Variants in ATP2B3 observed in about 807,000 individuals in gnomAD.
ATP2B3 encodes the protein ATPase plasma membrane Ca2+ transporting 3.
Under a neutral mutation model 70.8 loss-of-function variants are expected in ATP2B3, and 12 were observed. The ratio of observed to expected loss-of-function variants is 0.17; its 90% CI spans 0.11 to 0.27. The LOEUF (loss-of-function observed/expected upper bound fraction) is 0.27. Among genes scored for constraint, ATP2B3 ranks in the 10% least tolerant of loss-of-function variants. The pLI, the probability that ATP2B3 is intolerant of heterozygous loss-of-function variation, is 1.00. For synonymous variants in ATP2B3, 460 were observed against 497.8 expected (o/e 0.92, Z 1.01); for missense variants, 858 against 1,118.5 (o/e 0.77, Z 3.32).
intron 16 of ATP2B3, 109 bp from the exon 17 acceptor site, chrX:153,558,003 T>C (rs1432054514): frequency 2.6e-6 from 2 of 777,594 alleles, no homozygotes; most frequent in Non-Finnish European, 3.6e-6. Flanking sequence ...TGGGATGTTA[T>C]TCAGAAGGGG....
chrX:153,539,736 T>C (rs1167109076), intron 3 of ATP2B3, among the ~76,000 whole-genome samples: 2 of 112,947 alleles, frequency 1.8e-5, no homozygotes, highest in African/African-American at 3.2e-5. Context: ...GGAGGGCTCC[T>C]CGGGATCAGC....
In ATP2B3 at chrX:153,556,006, G is replaced by A. The variant is rs782373108; in HGVS notation, c.2059-43G>A. The A allele has an allele frequency of 4.1e-5, 49 of 1,206,950 alleles. No individual in the cohort carries two copies. The East Asian group carries it at 1.2e-3, about 29-fold the overall frequency. On this transcript the variant is annotated intron_variant, in intron 13 of 21. Transcript: ENST00000263519. ...GGGGTACTGCCTCAACCCAAAATAC[G>A]TCTTGCCTCGATGGCCCCGCCCACC...
At chrX:153,566,389 GA>G (rs1261313018) in intron 21 of ATP2B3, among the ~76,000 whole-genome samples, 2 of 112,836 alleles carry the variant, frequency 1.8e-5, no homozygotes, top group Admixed American at 1.9e-4. Context: ...GGCGGGGCCT[GA>G]GGCCACACCC....
At chrX:153,543,473 G>A (rs895957295) in intron 7 of ATP2B3, among the ~76,000 whole-genome samples, 2 of 112,917 alleles carry the variant, frequency 1.8e-5, no homozygotes, top group African/African-American at 3.2e-5. Flanking sequence ...CAGGAGCTAC[G>A]GGGAGCCTCA....
In ATP2B3 at chrX:153,528,084, C is replaced by T. The variant is rs1311894471; in HGVS notation, c.-126-8038C>T. 1.8e-5 allele frequency among the ~76,000 whole-genome samples: 2 copies of T among 113,173 alleles called. 1 individual carries two copies. Among genetic ancestry groups the T allele is most frequent in the Non-Finnish European group, 3.7e-5 (2 of 53,397 alleles). On this transcript the variant is annotated intron_variant, in intron 2 of 21. Coordinates refer to ENST00000263519, the MANE Select transcript of ATP2B3 (RefSeq NM_001001344.3). ...CTTGAGTGACCAAAGCCAGCACCTGCACTCTGGAACCCTGAGGTTGATGGG... is the reference window on the plus strand; with the variant it reads ...CTTGAGTGACCAAAGCCAGCACCTGTACTCTGGAACCCTGAGGTTGATGGG...
intron 18 of ATP2B3, 54 bp downstream of exon 18, chrX:153,559,996 C>T (rs2090600735): frequency 4.5e-6 from 5 of 1,122,184 alleles, no homozygotes; most frequent in South Asian, 2.0e-5. Context: ...GCCACCACCT[C>T]GGGCTCAGAT....
intron 21 of ATP2B3, among the ~76,000 whole-genome samples, chrX:153,572,198 T>C (rs1346436905): frequency 8.9e-6 from 1 of 112,835 alleles, no homozygotes; most frequent in Non-Finnish European, 1.9e-5. Flanking sequence ...GGATGAGAGA[T>C]GCTCTGAAGG....
chrX:153,580,363 T>C lies in ATP2B3; in HGVS notation c.*65T>C. On this transcript the variant is annotated 3_prime_UTR_variant, in exon 22 of 22. Coordinates refer to ENST00000263519, the MANE Select transcript of ATP2B3 (RefSeq NM_001001344.3). ...ACTCACACGAAGTCACACGCACACA[T>C]GCACGCACACACACATATGGGGACC... 2 of 1,032,634 alleles carry C rather than the reference T, an allele frequency of 1.9e-6. No individual in the cohort carries two copies. The highest frequency in any genetic ancestry group is 3.7e-5 in the African/African-American group (2 of 54,001). The allele number at this position is 1,032,634 out of a possible 1,213,427, so 85.1% of individuals were successfully genotyped here.
At chrX:153,542,800 A>G (rs781783988) in intron 6 of ATP2B3, among the ~76,000 whole-genome samples, 8 of 113,284 alleles carry the variant, frequency 7.1e-5, no homozygotes, top group African/African-American at 2.2e-4. Context: ...AGGTTTCAGC[A>G]TAGTCCGGTG....
intron 21 of ATP2B3, among the ~76,000 whole-genome samples, chrX:153,575,270 G>A (rs1296909943): frequency 1.8e-5 from 2 of 112,950 alleles, no homozygotes; most frequent in Admixed American, 9.2e-5. Flanking sequence ...CCTGCTGGGT[G>A]CAGCGAGCCA....
chrX:153,553,132 G>A lies in ATP2B3; in HGVS notation c.1921G>A (p.Asp641Asn), dbSNP rs139853349. ...VRKIIEPMACDGLRTICIAYR... is the reference protein window; with the variant it reads ...VRKIIEPMACNGLRTICIAYR... ...GAAGATCATCGAGCCGATGGCTTGC[G>A]ATGGCCTCCGCACCATCTGCATCGC... is the stretch of plus-strand genomic sequence containing the variant. The change falls in exon 13 of 22, where the codon GAT (aspartate) becomes AAT (asparagine). Residue 641 changes from aspartate to asparagine, a missense_variant. Asp to Asn is a conservative substitution (Grantham distance 23, BLOSUM62 1). This residue lies in a region of ATP2B3 where 242 missense variants were observed against 281.3 expected (regional missense o/e 0.86). Transcript: ENST00000263519. 2.9e-4 allele frequency: 349 copies of A among 1,209,137 alleles called. No individual in the cohort carries two copies. Among genetic ancestry groups the A allele is most frequent in the South Asian group, 1.2e-3 (66 of 56,806 alleles).
intron 12 of ATP2B3, among the ~76,000 whole-genome samples, chrX:153,550,705 TC>T (rs782795151): frequency 1.8e-5 from 2 of 111,900 alleles, no homozygotes; most frequent in South Asian, 7.7e-4. Flanking sequence ...CAAGCCATCC[TC>T]CTACGTCAGT....
intron 21 of ATP2B3, among the ~76,000 whole-genome samples, chrX:153,578,300 G>A (rs945337839): frequency 1.8e-5 from 2 of 112,758 alleles, no homozygotes; most frequent in Non-Finnish European, 3.8e-5. Flanking sequence ...GCTCACATAG[G>A]CAGGGGTGGA....
chrX:153,571,058 G>A (rs1187447531), intron 21 of ATP2B3, among the ~76,000 whole-genome samples: 1 of 103,470 alleles, frequency 9.7e-6, no homozygotes, highest in East Asian at 3.0e-4. Context: ...CAAACCACAG[G>A]CCACGTACAC....
intron 21 of ATP2B3, among the ~76,000 whole-genome samples, chrX:153,573,627 T>A (rs1404352866): frequency 8.9e-6 from 1 of 112,253 alleles, no homozygotes; most frequent in East Asian, 2.8e-4. Context: ...GGACCCCTGG[T>A]CCAAGGCCCT....
At chrX:153,553,396 C>CAGGACGGGGCTCAA in intron 13 of ATP2B3, 127 bp downstream of exon 13, 1 of 562,165 alleles carries the variant, frequency 1.8e-6, no homozygotes, top group Non-Finnish European at 2.8e-6. Flanking sequence ...ACTTGAGCCC[C>CAGGACGGGGCTCAA]GTCCTGGGTG....
At position 153,558,308 on chromosome X, in the gene ATP2B3, G is replaced by T; in HGVS notation, c.2625+5G>T. The T allele has an allele frequency of 8.3e-7, 1 of 1,198,061 alleles. No individual in the cohort carries two copies. Among genetic ancestry groups the T allele is most frequent in the Non-Finnish European group, 1.1e-6 (1 of 887,154 alleles). On this transcript the variant is annotated splice_donor_5th_base_variant and intron_variant, in intron 17 of 21. Coordinates refer to ENST00000263519, the MANE Select transcript of ATP2B3 (RefSeq NM_001001344.3). ...ACAGGTGCCTGCATTACTCAGGTGG[G>T]TACTGGGGGCTGCCATGCCCCAGCT... is the stretch of plus-strand genomic sequence containing the variant.
At chrX:153,569,196 G>A in intron 21 of ATP2B3, 1 of 401,143 alleles carries the variant, frequency 2.5e-6, no homozygotes, top group South Asian at 2.3e-5. Flanking sequence ...AGTCCTCCGG[G>A]TTTAGAGGAA....
chrX:153,572,754 ACACT>A (rs1403619682), intron 21 of ATP2B3, among the ~76,000 whole-genome samples: 1 of 110,821 alleles, frequency 9.0e-6, no homozygotes, highest in Non-Finnish European at 1.9e-5. Flanking sequence ...CCCCAACCAC[ACACT>A]CACACACCGA....
Sources: gnomAD v4.1 joint callset for allele counts (sites outside exome capture counted in the v4.1 genomes callset) on GRCh38, gnomAD v4.1.1 for gene constraint, gnomAD v4.1.1 regional missense constraint, MANE v1.5 for transcripts, NCBI Gene and HGNC (gene_info 2026-07-23, HGNC 2026-07-21) for gene names.